PTPRG: variants seen among roughly 807,000 people sequenced by gnomAD.
The protein encoded by PTPRG is receptor-type tyrosine-protein phosphatase gamma.
In PTPRG, 102 loss-of-function variants were observed where a neutral mutation model predicts 165.3. The observed-to-expected ratio is 0.62, with a 90% CI of 0.53 to 0.73. PTPRG has a LOEUF of 0.73. PTPRG is among the 30% of genes least tolerant of loss of function. The pLI, the probability that PTPRG is intolerant of heterozygous loss-of-function variation, is 0.00. For missense variants in PTPRG, 1,866 were observed against 1,861.4 expected, an observed-to-expected ratio of 1.00 and a Z score of -0.05; for synonymous variants, 675 against 669.5, an observed-to-expected ratio of 1.01 and a Z score of -0.13.
chr3:61,840,789 T>TGG (rs1259797369), intron 2 of PTPRG, among the ~76,000 whole-genome samples: 7 of 143,892 alleles, frequency 4.9e-5, no homozygotes, highest in African/African-American at 1.8e-4. Context: ...TTTGTTTTTT[T>TGG]TTTTTTTTTT....
At chr3:61,819,111 A>G (rs932530644) in intron 2 of PTPRG, among the ~76,000 whole-genome samples, 1 of 152,172 alleles carries the variant, frequency 6.6e-6, no homozygotes, top group East Asian at 1.9e-4. Context: ...TTTCTTTGAC[A>G]GTAGTGTTAT....
intron 2 of PTPRG, among the ~76,000 whole-genome samples, chr3:61,897,350 G>A (rs1470511043): frequency 6.6e-6 from 1 of 151,886 alleles, no homozygotes; most frequent in East Asian, 1.9e-4. Flanking sequence ...TGTTGAAAAG[G>A]GTATTCTTCC....
chr3:61,747,278 T>C (rs2033247615), intron 1 of PTPRG, among the ~76,000 whole-genome samples: 1 of 143,064 alleles, frequency 7.0e-6, no homozygotes, highest in South Asian at 2.3e-4. Context: ...CATACCCTAA[T>C]GGAAGCCACA....
intron 1 of PTPRG, among the ~76,000 whole-genome samples, chr3:61,716,153 T>C (rs1179474007): frequency 6.6e-6 from 1 of 152,200 alleles, no homozygotes; most frequent in Admixed American, 6.5e-5. Flanking sequence ...AATGGTTTGT[T>C]TGCTTTTTTC....
chr3:62,069,703 C>G (rs1369041279), intron 4 of PTPRG, among the ~76,000 whole-genome samples: 4 of 151,436 alleles, frequency 2.6e-5, no homozygotes, highest in South Asian at 2.1e-4. Flanking sequence ...GACACACGCA[C>G]ACACACACAC....
chr3:62,020,883 C>T (rs532960531), intron 4 of PTPRG, among the ~76,000 whole-genome samples: 5 of 151,458 alleles, frequency 3.3e-5, no homozygotes, highest in African/African-American at 1.2e-4. Context: ...CTATATTGCC[C>T]AGGTTGATCT....
chr3:61,710,442 G>A (rs967005875), intron 1 of PTPRG, among the ~76,000 whole-genome samples: 2 of 152,010 alleles, frequency 1.3e-5, no homozygotes, highest in Non-Finnish European at 2.9e-5. Context: ...GTAAGTAAAC[G>A]AAGGCTTAGA....
At chr3:61,786,938 C>T (rs1291288035) in intron 2 of PTPRG, among the ~76,000 whole-genome samples, 1 of 152,098 alleles carries the variant, frequency 6.6e-6, no homozygotes, top group African/African-American at 2.4e-5. Flanking sequence ...ACCATGATCT[C>T]CCATGTGTCA....
intron 13 of PTPRG, among the ~76,000 whole-genome samples, chr3:62,227,361 C>A (rs1700786475): frequency 6.6e-6 from 1 of 152,246 alleles, no homozygotes; most frequent in Admixed American, 6.5e-5. Flanking sequence ...ATAAGAATGA[C>A]TTCTCACATA....
chr3:61,725,842 T>C (rs1460969032), intron 1 of PTPRG, among the ~76,000 whole-genome samples: 1 of 152,098 alleles, frequency 6.6e-6, no homozygotes, highest in Non-Finnish European at 1.5e-5. Context: ...GGTAATGTCT[T>C]ATCATCTGTT....
At chr3:62,079,325 T>A (rs1024840091) in intron 5 of PTPRG, among the ~76,000 whole-genome samples, 1 of 152,204 alleles carries the variant, frequency 6.6e-6, no homozygotes. Context: ...CTACCTAGAA[T>A]AAGAACAATG....
intron 5 of PTPRG, among the ~76,000 whole-genome samples, chr3:62,088,896 G>A (rs1701838906): frequency 6.6e-6 from 1 of 152,166 alleles, no homozygotes; most frequent in Non-Finnish European, 1.5e-5. Context: ...GAGGGTTACT[G>A]TTGTCTCTTG....
chr3:62,063,009 G>A (rs1700871812), intron 4 of PTPRG, among the ~76,000 whole-genome samples: 1 of 152,144 alleles, frequency 6.6e-6, no homozygotes, highest in African/African-American at 2.4e-5. Flanking sequence ...CCAAACTAGT[G>A]TAAGGTTATA....
chr3:62,249,506 T>C (rs1701362590), intron 15 of PTPRG, among the ~76,000 whole-genome samples: 1 of 152,098 alleles, frequency 6.6e-6, no homozygotes, highest in Non-Finnish European at 1.5e-5. Context: ...GAATTTGGGA[T>C]AGGGTTGAGA....
At position 62,281,537 on chromosome 3, in the gene PTPRG, G is replaced by GTTTTTTTTTTTTTTTTTTTTTTT. The variant is rs778994257; in HGVS notation, c.3766-26_3766-25insTTTTTTTTTTTTTTTTTTTTTTT. On this transcript the variant is annotated intron_variant, in intron 26 of 29. Transcript: ENST00000474889. ...ACAAATCCTTGACAGAACTGCAGAG[G>GTTTTTTTTTTTTTTTTTTTTTTT]CTTTTTTTTTTTTTGGATTCCAAAG... is the stretch of plus-strand genomic sequence containing the variant. 26 of 174,998 alleles carry GTTTTTTTTTTTTTTTTTTTTTTT rather than the reference G, an allele frequency of 1.5e-4. 4 individuals are homozygous for GTTTTTTTTTTTTTTTTTTTTTTT. Among genetic ancestry groups the GTTTTTTTTTTTTTTTTTTTTTTT allele is most frequent in the South Asian group, 2.0e-4 (3 of 15,190 alleles). 10.8% of individuals were successfully genotyped at this position (174,998 alleles called of 1,614,324 possible). A position where few individuals can be genotyped will look rare whatever the true frequency, so the allele number is the denominator to read the frequency against.
chr3:61,897,836 A>G (rs959525935), intron 2 of PTPRG, among the ~76,000 whole-genome samples: 1 of 152,040 alleles, frequency 6.6e-6, no homozygotes, highest in African/African-American at 2.4e-5. Flanking sequence ...TATAAATGGT[A>G]TTTTTGTTCC....
At chr3:61,578,456 A>C (rs1295555987) in intron 1 of PTPRG, among the ~76,000 whole-genome samples, 1 of 152,164 alleles carries the variant, frequency 6.6e-6, no homozygotes, top group Non-Finnish European at 1.5e-5. Flanking sequence ...ACAGCTGTGG[A>C]TTTATTTGAC....
At chr3:61,982,551 T>G (rs1002278227) in intron 2 of PTPRG, among the ~76,000 whole-genome samples, 6 of 152,218 alleles carry the variant, frequency 3.9e-5, no homozygotes, top group African/African-American at 1.2e-4. Context: ...GTTTGCACTC[T>G]AATAATGTCA....
intron 5 of PTPRG, among the ~76,000 whole-genome samples, chr3:62,099,616 C>T (rs1162847609): frequency 6.6e-6 from 1 of 151,924 alleles, no homozygotes; most frequent in Non-Finnish European, 1.5e-5. Context: ...CTTTTAATGA[C>T]ATGAGCCATG....
Sources: allele counts gnomAD v4.1 joint callset (sites outside exome capture counted in the v4.1 genomes callset), GRCh38; gene constraint gnomAD v4.1.1; transcripts MANE v1.5; gene names NCBI Gene and HGNC (gene_info 2026-07-23, HGNC 2026-07-21).